Variants in CACNA1I observed in about 807,000 individuals in gnomAD.
CACNA1I encodes the protein calcium voltage-gated channel subunit alpha1 I.
In CACNA1I, 74 loss-of-function variants were observed where a neutral mutation model predicts 201.6. That is an observed-to-expected ratio of 0.37 (90% CI 0.30 to 0.45). The LOEUF is 0.45. Ranked by LOEUF, CACNA1I falls within the 20% of genes least tolerant of loss-of-function variation. The pLI is 1.00. For synonymous variants in CACNA1I, 1,431 were observed against 1,345.2 expected, an observed-to-expected ratio of 1.06 and a Z score of -1.40; for missense variants, 2,346 against 3,138.1, an observed-to-expected ratio of 0.75 and a Z score of 6.03.
At chr22:39,581,091 AC>A (rs1247273287) in intron 1 of CACNA1I, among the ~76,000 whole-genome samples, 1 of 152,138 alleles carries the variant, frequency 6.6e-6, no homozygotes, top group Non-Finnish European at 1.5e-5. Flanking sequence ...GGTAGAGGGA[AC>A]CTCTGGGGGG....
intron 1 of CACNA1I, among the ~76,000 whole-genome samples, chr22:39,582,496 G>T (rs1365174163): frequency 6.6e-6 from 1 of 152,066 alleles, no homozygotes; most frequent in Non-Finnish European, 1.5e-5. Flanking sequence ...ATTATTCAGT[G>T]GCACTCAGTC....
At chr22:39,607,929 C>T (rs1372813892) in intron 3 of CACNA1I, among the ~76,000 whole-genome samples, 1 of 149,678 alleles carries the variant, frequency 6.7e-6, no homozygotes, top group Admixed American at 6.6e-5. Context: ...GAGTTCGAGA[C>T]CAACATGGTG....
rs66465962 is a variant in CACNA1I at position 39,686,609 on chromosome 22, C to CATATATATATATATATACATATATATAT, written c.*220_*221insACATATATATATATATATATATATATAT. The CATATATATATATATATACATATATATAT allele has an allele frequency of 2.2e-5, 3 of 135,826 alleles. No individual in the cohort carries two copies. Among genetic ancestry groups the CATATATATATATATATACATATATATAT allele is most frequent in the South Asian group, 2.4e-4 (1 of 4,086 alleles). 8.4% of individuals were successfully genotyped at this position (135,826 alleles called of 1,614,324 possible). A position where few individuals can be genotyped will look rare whatever the true frequency, so the allele number is the denominator to read the frequency against. On this transcript the variant is annotated 3_prime_UTR_variant, in exon 37 of 37. Coordinates refer to ENST00000402142, the MANE Select transcript of CACNA1I (RefSeq NM_021096.4). ...GTGGCCCTTCCAGTGCATATACATA[C>CATATATATATATATATACATATATATAT]ATATATATATATATATGCATATATA... is the stretch of plus-strand genomic sequence containing the variant.
At chr22:39,634,373 G>T (rs552594190) in intron 4 of CACNA1I, among the ~76,000 whole-genome samples, 192 bp from the exon 5 acceptor site, 2 of 152,276 alleles carry the variant, frequency 1.3e-5, no homozygotes, top group South Asian at 4.1e-4. Context: ...CCATTTCCAT[G>T]GCTTTTTCGG....
chr22:39,670,406 G>C (rs1277838205), intron 25 of CACNA1I, among the ~76,000 whole-genome samples, 176 bp downstream of exon 25: 1 of 152,204 alleles, frequency 6.6e-6, no homozygotes, highest in Non-Finnish European at 1.5e-5. Context: ...AGCCCCATCA[G>C]TGTCCATCCA....
intron 3 of CACNA1I, among the ~76,000 whole-genome samples, chr22:39,601,191 T>C (rs967325862): frequency 6.6e-6 from 1 of 152,192 alleles, no homozygotes; most frequent in South Asian, 2.1e-4. Context: ...GTCAAACCCA[T>C]CCATGCATTC....
intron 24 of CACNA1I, among the ~76,000 whole-genome samples, chr22:39,669,607 G>A (rs1341726449): frequency 2.0e-5 from 3 of 151,900 alleles, no homozygotes; most frequent in Non-Finnish European, 2.9e-5. Context: ...CTGGCTGGTG[G>A]GTAGATGGAT....
chr22:39,653,115 G>A (rs1236622243), intron 10 of CACNA1I, among the ~76,000 whole-genome samples: 1 of 101,520 alleles, frequency 9.9e-6, no homozygotes, highest in Admixed American at 8.6e-5. Context: ...AGGGCTGACT[G>A]CATTGTGGGT....
At chr22:39,615,375 T>C (rs1057086196) in intron 3 of CACNA1I, among the ~76,000 whole-genome samples, 4 of 151,982 alleles carry the variant, frequency 2.6e-5, no homozygotes, top group African/African-American at 9.7e-5. Flanking sequence ...GTTTAGGAGA[T>C]TTCTGCTGAC....
At chr22:39,610,575 A>G (rs980819727) in intron 3 of CACNA1I, among the ~76,000 whole-genome samples, 5 of 152,184 alleles carry the variant, frequency 3.3e-5, no homozygotes, top group South Asian at 2.1e-4. Flanking sequence ...ACACGGGTCA[A>G]TCATGAATCG....
chr22:39,664,705 C>T (rs779784076), intron 20 of CACNA1I, 34 bp from the exon 21 acceptor site: 1 of 1,111,172 alleles, frequency 9.0e-7, no homozygotes, highest in South Asian at 1.4e-5. Flanking sequence ...GCCCCTCCCG[C>T]GGCAGCCTGA....
At chr22:39,644,846 C>G (rs1389800243) in intron 7 of CACNA1I, among the ~76,000 whole-genome samples, 3 of 152,044 alleles carry the variant, frequency 2.0e-5, no homozygotes, top group Admixed American at 6.5e-5. Context: ...CACCACCATG[C>G]CTGGCTAATG....
At chr22:39,621,501 GC>G (rs1315932714) in intron 4 of CACNA1I, among the ~76,000 whole-genome samples, 2 of 152,252 alleles carry the variant, frequency 1.3e-5, no homozygotes, top group Non-Finnish European at 2.9e-5. Flanking sequence ...GCCTGGCGGG[GC>G]AGGAGAGGCC....
intron 10 of CACNA1I, among the ~76,000 whole-genome samples, chr22:39,655,721 T>G (rs1396706472): frequency 6.6e-6 from 1 of 152,040 alleles, no homozygotes; most frequent in Non-Finnish European, 1.5e-5. Context: ...TGTCCCCTCC[T>G]CCTTGGGCTC....
intron 4 of CACNA1I, among the ~76,000 whole-genome samples, chr22:39,626,040 G>GCT (rs1933891056): frequency 6.6e-6 from 1 of 152,218 alleles, no homozygotes; most frequent in Non-Finnish European, 1.5e-5. Flanking sequence ...GAGCTCAGGG[G>GCT]CAGCCCTGAG....
At chr22:39,650,058 G>T in intron 10 of CACNA1I, 133 bp downstream of exon 10, 1 of 964,738 alleles carries the variant, frequency 1.0e-6, no homozygotes, top group Non-Finnish European at 1.6e-6. Flanking sequence ...GGCTGAGCTG[G>T]GTCCAGTTCA....
At chr22:39,672,166 C>A in intron 26 of CACNA1I, 33 bp from the exon 27 acceptor site, 1 of 1,427,496 alleles carries the variant, frequency 7.0e-7, no homozygotes, top group Non-Finnish European at 9.9e-7. Context: ...AGGTCATGTG[C>A]CCTGGATCAT....
intron 3 of CACNA1I, among the ~76,000 whole-genome samples, chr22:39,617,567 G>A (rs1033283162): frequency 2.6e-5 from 4 of 152,178 alleles, no homozygotes; most frequent in African/African-American, 9.7e-5. Context: ...GCCAGCGCCT[G>A]TTTGTGTGCC....
At chr22:39,657,357 G>A (rs1372666423) in intron 10 of CACNA1I, among the ~76,000 whole-genome samples, 1 of 152,208 alleles carries the variant, frequency 6.6e-6, no homozygotes. Context: ...GGGTCTGAAT[G>A]TCCTCCTCCG....
Sources: allele counts gnomAD v4.1 joint callset (sites outside exome capture counted in the v4.1 genomes callset), GRCh38; gene constraint gnomAD v4.1.1; transcripts MANE v1.5; gene names NCBI Gene and HGNC (gene_info 2026-07-23, HGNC 2026-07-21).